Variants in CSMD1 observed in about 807,000 individuals in gnomAD.
CSMD1 encodes CUB and Sushi multiple domains 1, also known as CUB and sushi domain-containing protein 1.
CSMD1 carries 213 observed loss-of-function variants against 417.5 expected under a neutral mutation model. The observed-to-expected ratio is 0.51, with a 90% CI of 0.46 to 0.57. CSMD1 has a LOEUF of 0.57. CSMD1 is among the 20% of genes least tolerant of loss of function. The pLI, the probability that CSMD1 is intolerant of heterozygous loss-of-function variation, is 0.00. For missense variants in CSMD1, 6,923 were observed against 4,529.7 expected (o/e 1.53, Z -15.17); for synonymous variants, 2,862 against 1,736.8 (o/e 1.65, Z -16.11).
At chr8:4,459,858 C>A (rs562190627) in intron 2 of CSMD1, among the ~76,000 whole-genome samples, 2 of 152,248 alleles carry the variant, frequency 1.3e-5, no homozygotes, top group South Asian at 2.1e-4. Flanking sequence ...CATGCCCCTA[C>A]CAGAGCCTCA....
chr8:4,843,105 G>A (rs960002506), intron 1 of CSMD1, among the ~76,000 whole-genome samples: 8 of 152,148 alleles, frequency 5.3e-5, no homozygotes, highest in African/African-American at 1.9e-4. Flanking sequence ...GTTAGGATGT[G>A]CGAATTGAGA....
At chr8:3,232,205 C>T (rs1025739329) in intron 26 of CSMD1, among the ~76,000 whole-genome samples, 6 of 152,222 alleles carry the variant, frequency 3.9e-5, no homozygotes, top group African/African-American at 2.4e-5. Context: ...CTTTTCTTCA[C>T]AGTGACTATA....
chr8:3,410,490 C>T (rs779009604), intron 12 of CSMD1, among the ~76,000 whole-genome samples: 1 of 152,130 alleles, frequency 6.6e-6, no homozygotes, highest in Non-Finnish European at 1.5e-5. Context: ...GTGAATAAGG[C>T]TCAGGAGGTC....
chr8:3,959,388 A>G (rs964144215), intron 5 of CSMD1, among the ~76,000 whole-genome samples: 9 of 152,178 alleles, frequency 5.9e-5, no homozygotes, highest in African/African-American at 2.2e-4. Context: ...AGTACCAGCT[A>G]CTCAAGAGGC....
At chr8:4,134,499 C>G (rs930517329) in intron 3 of CSMD1, among the ~76,000 whole-genome samples, 1 of 152,180 alleles carries the variant, frequency 6.6e-6, no homozygotes, top group African/African-American at 2.4e-5. Flanking sequence ...TCTCCGACTT[C>G]CAGCCTCCAG....
intron 3 of CSMD1, among the ~76,000 whole-genome samples, chr8:4,099,206 G>T (rs112016904): frequency 6.7e-6 from 1 of 148,494 alleles, no homozygotes; most frequent in Non-Finnish European, 1.5e-5. Flanking sequence ...ACACACACAC[G>T]CACACACACA....
At chr8:3,378,414 C>T (rs1359139269) in intron 18 of CSMD1, among the ~76,000 whole-genome samples, 1 of 152,140 alleles carries the variant, frequency 6.6e-6, no homozygotes, top group Non-Finnish European at 1.5e-5. Context: ...CAGCATCATC[C>T]TGATACCAAA....
intron 5 of CSMD1, among the ~76,000 whole-genome samples, chr8:3,849,462 C>T (rs964001692): frequency 3.3e-5 from 5 of 152,122 alleles, no homozygotes; most frequent in Non-Finnish European, 5.9e-5. Context: ...GCGGTTACTC[C>T]TTTTAGTTAC....
chr8:4,275,218 G>T (rs1008947276), intron 3 of CSMD1, among the ~76,000 whole-genome samples: 1 of 151,990 alleles, frequency 6.6e-6, no homozygotes. Context: ...TGTCTAGTTT[G>T]TTTTTATTGA....
intron 2 of CSMD1, among the ~76,000 whole-genome samples, chr8:4,515,577 G>C (rs1021002681): frequency 6.6e-6 from 1 of 152,126 alleles, no homozygotes. Context: ...TTCAAGTCTG[G>C]ATATACTTGC....
chr8:3,520,092 T>C (rs1026460282), intron 10 of CSMD1, among the ~76,000 whole-genome samples: 14 of 150,946 alleles, frequency 9.3e-5, no homozygotes, highest in Admixed American at 6.6e-5. Context: ...AATTCTATCA[T>C]TTATGCTTCT....
intron 3 of CSMD1, among the ~76,000 whole-genome samples, chr8:4,325,835 A>T (rs995987747): frequency 3.9e-5 from 6 of 152,154 alleles, no homozygotes; most frequent in African/African-American, 1.4e-4. Flanking sequence ...GTAGATTAAC[A>T]AAAGCTTATT....
intron 2 of CSMD1, among the ~76,000 whole-genome samples, chr8:4,544,705 T>C (rs1223814115): frequency 6.6e-6 from 1 of 152,222 alleles, no homozygotes; most frequent in East Asian, 1.9e-4. Flanking sequence ...AATGTATCCT[T>C]GAAAATTCAT....
chr8:4,036,872 G>A (rs994138033), intron 3 of CSMD1, among the ~76,000 whole-genome samples: 1 of 152,174 alleles, frequency 6.6e-6, no homozygotes, highest in Non-Finnish European at 1.5e-5. Context: ...GGTATGTCCA[G>A]TTTCCTCCAT....
chr8:3,653,555 C>T (rs1585023503), intron 7 of CSMD1, among the ~76,000 whole-genome samples: 1 of 152,146 alleles, frequency 6.6e-6, no homozygotes, highest in Non-Finnish European at 1.5e-5. Context: ...GTAATCAGCG[C>T]ACCTCAGCCT....
intron 8 of CSMD1, among the ~76,000 whole-genome samples, chr8:3,608,839 A>G (rs1801750359): frequency 6.6e-6 from 1 of 152,026 alleles, no homozygotes; most frequent in Admixed American, 6.6e-5. Flanking sequence ...CGTGGTGCCA[A>G]TTACAACATG....
At chr8:4,597,071 CT>C (rs1331923577) in intron 2 of CSMD1, among the ~76,000 whole-genome samples, 1 of 151,682 alleles carries the variant, frequency 6.6e-6, no homozygotes, top group Non-Finnish European at 1.5e-5. Context: ...TTGGGTATGT[CT>C]TTTTCAGCAG....
intron 1 of CSMD1, among the ~76,000 whole-genome samples, chr8:4,719,899 C>T (rs1017616041): frequency 3.3e-5 from 5 of 152,126 alleles, no homozygotes; most frequent in South Asian, 2.1e-4. Flanking sequence ...TATCTATATT[C>T]GACCTCACTT....
chr8:4,572,881 G>GATATCCTT (rs1214552727), intron 2 of CSMD1, among the ~76,000 whole-genome samples: 3 of 152,046 alleles, frequency 2.0e-5, no homozygotes, highest in African/African-American at 7.2e-5. Context: ...TTCAATCGCT[G>GATATCCTT]ATATCCTTTC....
Sources: allele counts gnomAD v4.1 joint callset (sites outside exome capture counted in the v4.1 genomes callset), GRCh38; gene constraint gnomAD v4.1.1; transcripts MANE v1.5; gene names NCBI Gene and HGNC (gene_info 2026-07-23, HGNC 2026-07-21).